RGS1: variants seen among roughly 807,000 people sequenced by gnomAD.
RGS1 encodes the protein regulator of G protein signaling 1, also known as B-cell activation protein BL34.
A neutral mutation model predicts 22.2 loss-of-function variants in RGS1; 11 were observed. The ratio of observed to expected loss-of-function variants is 0.50; its 90% CI spans 0.31 to 0.82. RGS1 has a LOEUF of 0.82. RGS1 is among the 40% of genes least tolerant of loss of function. The pLI is 0.04. For synonymous variants in RGS1, 81 were observed against 79.9 expected (o/e 1.01, Z -0.07); for missense variants, 255 against 245.8 (o/e 1.04, Z -0.25).
In RGS1 at chr1:192,579,083, T is replaced by C. The variant is rs973219484; in HGVS notation, c.445-54T>C. ...GGTGTTTCAAAAAACAGTAACATCA[T>C]AAAATTTGCAGTAAAGAAAAGTATA... On this transcript the variant is annotated intron_variant, in intron 4 of 4. Transcript: ENST00000367459. 5.2e-6 allele frequency: 8 copies of C among 1,535,420 alleles called. No homozygotes were observed. The African/African-American group carries it at 5.6e-5, about 11-fold the overall frequency.
chr1:192,576,432 T>A, intron 2 of RGS1, 67 bp downstream of exon 2: 1 of 1,168,510 alleles, frequency 8.6e-7, no homozygotes, highest in Non-Finnish European at 1.3e-6. Context: ...TATCTCTATA[T>A]CCCAGCAAGG....
intron 4 of RGS1, chr1:192,578,766 C>A: frequency 5.3e-6 from 2 of 376,572 alleles, no homozygotes; most frequent in Non-Finnish European, 9.4e-6. Flanking sequence ...ACAGTATTAC[C>A]AGATAAATAT....
rs769086763 is a variant in RGS1, at chr1:192,579,217, A to G, written c.525A>G (p.Gln175=). The change falls in exon 5 of 5, where the codon CAA becomes CAG. Residue 175 remains glutamine, a synonymous_variant. Transcript: ENST00000367459. ...APTPTCFDEA[Q]KVIYTLMEKD... ...CCCCCACGTGTTTTGATGAAGCACAAAAAGTCATATATACTCTTATGGAAA... is the reference window on the plus strand; with the variant it reads ...CCCCCACGTGTTTTGATGAAGCACAGAAAGTCATATATACTCTTATGGAAA... 1.2e-6 allele frequency: 2 copies of G among 1,613,364 alleles called. No homozygotes were observed. Among genetic ancestry groups the G allele is most frequent in the South Asian group, 2.2e-5 (2 of 91,064 alleles).
rs1194549701 is a variant in RGS1, at chr1:192,576,325, C to T, written c.178C>T (p.His60Tyr). The T allele has an allele frequency of 6.2e-7, 1 of 1,611,444 alleles. No homozygotes were observed. Among genetic ancestry groups the T allele is most frequent in the African/African-American group, 1.3e-5 (1 of 74,932 alleles). ...MKAYLRSMIP[H>Y]LESGMKSSKS... ...AGCATACCTGAGATCTATGATCCCA[C>T]ATCTGGAATCTGGAATGAAATCTTC... is the stretch of plus-strand genomic sequence containing the variant. The change falls in exon 2 of 5, where the codon CAT becomes TAT. Residue 60 changes from histidine (H) to tyrosine (Y), a missense_variant. His to Tyr is a moderately conservative substitution (Grantham distance 83). Coordinates refer to ENST00000367459, the MANE Select transcript of RGS1 (RefSeq NM_002922.4).
chr1:192,578,231 A>T lies in RGS1; in HGVS notation c.290A>T (p.Asn97Ile). Residue 97 changes from asparagine to isoleucine, a missense_variant, in exon 4 of 5, where the codon AAT becomes ATT. Transcript: ENST00000367459. Reference protein sequence around the residue: ...EKLLANQTGQNVFGSFLKSEF... With the variant: ...EKLLANQTGQIVFGSFLKSEF... ...CCTCGTTTCTTTTTAGCTGGTCAAA[A>T]TGTCTTTGGAAGTTTCCTAAAGTCT... is the stretch of plus-strand genomic sequence containing the variant. 1 of 1,610,392 alleles carries T rather than the reference A, an allele frequency of 6.2e-7. No individual in the cohort carries two copies. The highest frequency in any genetic ancestry group is 8.5e-7 in the Non-Finnish European group (1 of 1,178,480).
At chr1:192,578,456 T>C (rs1037412780) in intron 4 of RGS1, 71 bp downstream of exon 4, 13 of 1,526,828 alleles carry the variant, frequency 8.5e-6, no homozygotes, top group Non-Finnish European at 1.2e-5. Flanking sequence ...ATTTAATATA[T>C]ACAACAAGAT....
chr1:192,578,457 A>G (rs776810464), intron 4 of RGS1, 72 bp downstream of exon 4: 1 of 1,528,468 alleles, frequency 6.5e-7, no homozygotes, highest in Non-Finnish European at 8.9e-7. Context: ...TTTAATATAT[A>G]CAACAAGATA....
chr1:192,578,006 T>A, intron 3 of RGS1: 1 of 554,746 alleles, frequency 1.8e-6, no homozygotes, highest in East Asian at 3.1e-5. Flanking sequence ...ATGAATGAGT[T>A]TGTCTGGCCC....
intron 2 of RGS1, 50 bp from the exon 3 acceptor site, chr1:192,576,724 T>C (rs759450588): frequency 2.0e-6 from 3 of 1,477,358 alleles, no homozygotes; most frequent in East Asian, 4.6e-5. Flanking sequence ...ATTTCATTTG[T>C]GCTTACATTT....
chr1:192,578,354 A>G lies in RGS1; in HGVS notation c.413A>G (p.Lys138Arg), dbSNP rs760078546. ...LLPCKAEEIYKAFVHSDAAKQ... is the reference protein window; with the variant it reads ...LLPCKAEEIYRAFVHSDAAKQ... ...CCCTGTAAAGCAGAAGAGATATATA[A>G]AGCATTTGTGCATTCAGATGCTGCT... Residue 138 changes from lysine to arginine, a missense_variant, in exon 4 of 5, where the codon AAA becomes AGA. By Grantham distance (26) the Lys-to-Arg change is conservative (BLOSUM62 2). Coordinates refer to ENST00000367459, the MANE Select transcript of RGS1 (RefSeq NM_002922.4). 1.4e-5 allele frequency: 23 copies of G among 1,612,940 alleles called. No individual in the cohort carries two copies. Among genetic ancestry groups the G allele is most frequent in the Non-Finnish European group, 1.6e-5 (19 of 1,179,524 alleles).
At chr1:192,576,893 G>A (rs1662071119) in intron 3 of RGS1, 58 bp downstream of exon 3, 6 of 1,423,418 alleles carry the variant, frequency 4.2e-6, no homozygotes, top group Admixed American at 1.7e-5. Context: ...AAATTGAATG[G>A]CTTCACTAAA....
chr1:192,578,915 T>C (rs2816306), intron 4 of RGS1: 83,875 of 509,738 alleles, frequency 0.16, 9,993 homozygotes, highest in African/African-American at 0.47. Context: ...TTGCCTCTCC[T>C]AACTATACTA....
chr1:192,576,516 T>C, intron 2 of RGS1, 151 bp downstream of exon 2: 1 of 649,890 alleles, frequency 1.5e-6, no homozygotes, highest in Admixed American at 3.1e-5. Context: ...TCAGTACCAA[T>C]GTAAATTGAA....
chr1:192,576,314 C>G lies in RGS1; in HGVS notation c.167C>G (p.Ser56Cys). Residue 56 changes from serine (S) to cysteine (C), a missense_variant, in exon 2 of 5, where the codon TCT (serine) becomes TGT (cysteine). Transcript: ENST00000367459. ...ATGGATATGAAAGCATACCTGAGAT[C>G]TATGATCCCACATCTGGAATCTGGA... ...FGMDMKAYLR[S>C]MIPHLESGMK... 8.1e-6 allele frequency: 13 copies of G among 1,611,320 alleles called. No homozygotes were observed. The highest frequency in any genetic ancestry group is 1.1e-5 in the Non-Finnish European group (13 of 1,178,074).
chr1:192,576,754 G>A lies in RGS1; in HGVS notation c.219-20G>A. On this transcript the variant is annotated intron_variant, in intron 2 of 4. Coordinates refer to ENST00000367459, the MANE Select transcript of RGS1 (RefSeq NM_002922.4). The stretch of plus-strand genomic sequence containing the variant: ...ACATTTTAAAAATTGACTAATGTAT[G>A]TACATTTTGTCCCCTGCAGACTTTC... 1 of 1,605,802 alleles carries A rather than the reference G, an allele frequency of 6.2e-7. No homozygotes were observed. Among genetic ancestry groups the A allele is most frequent in the Non-Finnish European group, 8.5e-7 (1 of 1,175,492 alleles).
At chr1:192,576,603 A>C in intron 2 of RGS1, 171 bp from the exon 3 acceptor site, 1 of 670,252 alleles carries the variant, frequency 1.5e-6, no homozygotes, top group Non-Finnish European at 2.4e-6. Context: ...TTTTTTTTTC[A>C]TAACTATAGT....
rs566167710 is a variant in RGS1, at chr1:192,575,915, G to C, written c.123G>C (p.Arg41Ser). The C allele has an allele frequency of 1.9e-6, 3 of 1,613,044 alleles. No homozygotes were observed. The highest frequency in any genetic ancestry group is 2.5e-6 in the Non-Finnish European group (3 of 1,179,300). Residue 41 changes from arginine to serine, a missense_variant, in exon 1 of 5, where the codon AGG (arginine) becomes AGC (serine). By Grantham distance (110) the Arg-to-Ser change is moderately radical. Coordinates refer to ENST00000367459, the MANE Select transcript of RGS1 (RefSeq NM_002922.4). Reference sequence around the variant, plus strand: ...TTCTAGACGACAAAATGCAAAAAAGGAGGCCAAAGACTTTGTAAGTTTGTT... The same window carrying C: ...TTCTAGACGACAAAATGCAAAAAAGCAGGCCAAAGACTTTGTAAGTTTGTT... ...HSLLDDKMQK[R>S]RPKTFGMDMK...
intron 3 of RGS1, chr1:192,577,935 A>G (rs1179704513): frequency 2.8e-6 from 1 of 357,548 alleles, no homozygotes; most frequent in Non-Finnish European, 5.1e-6. Flanking sequence ...GCAGAATTTC[A>G]ATTCAAACCG....
chr1:192,578,961 T>C (rs1662114115), intron 4 of RGS1, 176 bp from the exon 5 acceptor site: 1 of 590,322 alleles, frequency 1.7e-6, no homozygotes, highest in Admixed American at 3.5e-5. Flanking sequence ...TTTGTAATAT[T>C]TCTTATCTCC....
Sources: gnomAD v4.1 joint callset for allele counts on GRCh38, gnomAD v4.1.1 for gene constraint, MANE v1.5 for transcripts, NCBI Gene and HGNC (gene_info 2026-07-23, HGNC 2026-07-21) for gene names.